Variants in STPG2 observed in about 807,000 individuals in gnomAD.
STPG2 encodes the protein sperm tail PG-rich repeat containing 2, also known as sperm-tail PG-rich repeat-containing protein 2.
STPG2 carries 56 observed loss-of-function variants against 54.2 expected under a neutral mutation model. The observed-to-expected ratio is 1.03, with a 90% confidence interval of 0.83 to 1.29. The LOEUF is 1.29. Among genes scored for constraint, STPG2 ranks in the 50% most tolerant of loss-of-function variants. STPG2 has a pLI of 0.00. For missense variants in STPG2, 596 were observed against 544.9 expected (o/e 1.09, Z -0.93); for synonymous variants, 200 against 181.8 (o/e 1.10, Z -0.81).
At chr4:97,620,228 G>T (rs934131166) in intron 10 of STPG2, among the ~76,000 whole-genome samples, 1 of 152,160 alleles carries the variant, frequency 6.6e-6, no homozygotes, top group African/African-American at 2.4e-5. Flanking sequence ...ATAATAACTG[G>T]CATGTAACAA....
intron 4 of STPG2, among the ~76,000 whole-genome samples, chr4:98,108,087 G>A (rs187175370): frequency 6.6e-6 from 1 of 152,204 alleles, no homozygotes; most frequent in Admixed American, 6.5e-5. Flanking sequence ...CAAACGCCAT[G>A]TTTTATTCTT....
At chr4:97,817,998 A>G (rs1288397108) in intron 9 of STPG2, among the ~76,000 whole-genome samples, 1 of 151,928 alleles carries the variant, frequency 6.6e-6, no homozygotes, top group African/African-American at 2.4e-5. Flanking sequence ...TTACAGCTAA[A>G]GAGTTTTTTT....
intron 5 of STPG2, among the ~76,000 whole-genome samples, chr4:98,096,891 A>T (rs1738876060): frequency 6.6e-6 from 1 of 152,194 alleles, no homozygotes; most frequent in Non-Finnish European, 1.5e-5. Context: ...AAATGAATAA[A>T]TTCCTAGACA....
At chr4:98,076,340 A>T (rs1400578226) in intron 5 of STPG2, among the ~76,000 whole-genome samples, 1 of 151,736 alleles carries the variant, frequency 6.6e-6, no homozygotes, top group African/African-American at 2.4e-5. Context: ...AATCTGTAAA[A>T]GTCTTTCAAA....
At chr4:97,441,428 T>C (rs1054895303) in intron 4 of STPG2, 3 of 152,024 alleles carry the variant, frequency 2.0e-5, no homozygotes, top group African/African-American at 4.8e-5. Flanking sequence ...AGAGCAATTA[T>C]GTTCCTGTGA....
intron 9 of STPG2, among the ~76,000 whole-genome samples, chr4:97,777,576 T>C (rs1726420108): frequency 6.6e-6 from 1 of 152,204 alleles, no homozygotes; most frequent in Admixed American, 6.5e-5. Context: ...GACAAAAGGA[T>C]TGCAAAATCA....
intron 9 of STPG2, among the ~76,000 whole-genome samples, chr4:97,741,350 A>G (rs1467165866): frequency 1.3e-5 from 2 of 152,216 alleles, no homozygotes; most frequent in African/African-American, 4.8e-5. Context: ...AACAAAAGCC[A>G]GAATTGACAA....
intron 5 of STPG2, among the ~76,000 whole-genome samples, chr4:98,087,393 G>A (rs1391330200): frequency 6.6e-6 from 1 of 151,922 alleles, no homozygotes; most frequent in Non-Finnish European, 1.5e-5. Flanking sequence ...AGGGTTCTCA[G>A]TACTCACCAA....
At chr4:97,929,141 G>C (rs953534225) in intron 8 of STPG2, among the ~76,000 whole-genome samples, 1 of 152,096 alleles carries the variant, frequency 6.6e-6, no homozygotes, top group Non-Finnish European at 1.5e-5. Flanking sequence ...TTGGTTTTCT[G>C]TTCCTGCATT....
intron 8 of STPG2, among the ~76,000 whole-genome samples, chr4:97,896,978 T>A (rs72686451): frequency 0.014 from 2,075 of 151,830 alleles, 19 homozygotes; most frequent in Non-Finnish European, 0.02. Flanking sequence ...GTCATGAGGG[T>A]TTGTTGCACA....
At chr4:97,903,325 A>G (rs186740451) in intron 8 of STPG2, among the ~76,000 whole-genome samples, 20 of 152,304 alleles carry the variant, frequency 1.3e-4, no homozygotes, top group African/African-American at 4.8e-4. Flanking sequence ...ATCTCAAAAC[A>G]TCACATTGTA....
intron 9 of STPG2, among the ~76,000 whole-genome samples, chr4:97,796,777 TA>T (rs1269263738): frequency 2.6e-5 from 4 of 152,214 alleles, no homozygotes; most frequent in Non-Finnish European, 4.4e-5. Flanking sequence ...ATTAAATCTG[TA>T]AATTACTTTG....
chr4:97,521,117 C>A (rs747308757), intron 4 of STPG2, among the ~76,000 whole-genome samples: 1 of 151,898 alleles, frequency 6.6e-6, no homozygotes. Flanking sequence ...CATTATTAAA[C>A]AGTATATTGC....
At chr4:97,588,644 C>T (rs1422892594) in intron 10 of STPG2, among the ~76,000 whole-genome samples, 1 of 151,918 alleles carries the variant, frequency 6.6e-6, no homozygotes. Context: ...AGTTGGAACA[C>T]GATTTCTGAA....
intron 9 of STPG2, among the ~76,000 whole-genome samples, chr4:97,818,331 A>G (rs1184018990): frequency 6.6e-6 from 1 of 151,960 alleles, no homozygotes. Flanking sequence ...TTTCCTATAT[A>G]TACATATCCA....
At chr4:98,131,700 T>C (rs1445266823) in intron 2 of STPG2, among the ~76,000 whole-genome samples, 1 of 152,148 alleles carries the variant, frequency 6.6e-6, no homozygotes, top group African/African-American at 2.4e-5. Flanking sequence ...TAAAAATTAT[T>C]AATTATATAG....
chr4:97,849,724 C>A (rs547913930), intron 8 of STPG2, among the ~76,000 whole-genome samples: 13 of 151,454 alleles, frequency 8.6e-5, no homozygotes, highest in Non-Finnish European at 1.8e-4. Flanking sequence ...CTATGAGATA[C>A]CATCTCACAC....
chr4:97,723,360 A>G (rs961152363), intron 9 of STPG2, among the ~76,000 whole-genome samples: 8 of 152,052 alleles, frequency 5.3e-5, no homozygotes. Flanking sequence ...GTAAAAATCT[A>G]CTTATTGGAT....
At chr4:97,762,109 T>C (rs953219585) in intron 9 of STPG2, among the ~76,000 whole-genome samples, 1 of 152,112 alleles carries the variant, frequency 6.6e-6, no homozygotes, top group African/African-American at 2.4e-5. Context: ...TTTAAAGTCG[T>C]CTCTAAATTT....
Sources: gnomAD v4.1 joint callset for allele counts (sites outside exome capture counted in the v4.1 genomes callset) on GRCh38, gnomAD v4.1.1 for gene constraint, MANE v1.5 for transcripts, NCBI Gene and HGNC (gene_info 2026-07-23, HGNC 2026-07-21) for gene names.